MAGI3: variants seen among roughly 807,000 people sequenced by gnomAD.
MAGI3 encodes membrane-associated guanylate kinase, WW and PDZ domain-containing protein 3.
Under a neutral mutation model 121.8 loss-of-function variants are expected in MAGI3, and 43 were observed. The observed-to-expected ratio is 0.35, with a 90% confidence interval of 0.28 to 0.46. MAGI3 has a LOEUF of 0.46. Among genes scored for constraint, MAGI3 ranks in the 20% least tolerant of loss-of-function variants. The probability of loss-of-function intolerance (pLI) is 1.00; values close to 1 mark genes in which losing one functional copy is unlikely to be tolerated. For synonymous variants in MAGI3, 553 were observed against 639.3 expected (o/e 0.86, Z 2.04); for missense variants, 1,547 against 1,797.3 (o/e 0.86, Z 2.52).
rs544026946 is a variant in MAGI3 at position 113,648,504 on chromosome 1, C to T, written c.2156-733C>T. 1.6e-4 allele frequency among the ~76,000 whole-genome samples: 24 copies of T among 151,636 alleles called. 1 individual carries two copies. The South Asian group carries it at 4.8e-3, about 30-fold the overall frequency. ...TCAGTTCACTGCAACCTCTGCCTCC[C>T]AGGTTCAAGCAATCCTCCTGCTTAA... On this transcript the variant is annotated intron_variant, in intron 12 of 20. Transcript: ENST00000307546.
intron 12 of MAGI3, among the ~76,000 whole-genome samples, chr1:113,648,090 G>A (rs564727410): frequency 1.3e-4 from 20 of 152,032 alleles, no homozygotes; most frequent in African/African-American, 4.3e-4. Flanking sequence ...GACTGGCTAA[G>A]TTTTGCATTT....
At chr1:113,526,419 G>T (rs1326868132) in intron 1 of MAGI3, among the ~76,000 whole-genome samples, 3 of 152,186 alleles carry the variant, frequency 2.0e-5, no homozygotes, top group Non-Finnish European at 2.9e-5. Context: ...GGGGTTAGGG[G>T]AAGAGTGTTC....
At chr1:113,613,793 A>G (rs899986345) in intron 6 of MAGI3, among the ~76,000 whole-genome samples, 5 of 152,308 alleles carry the variant, frequency 3.3e-5, no homozygotes, top group Non-Finnish European at 4.4e-5. Flanking sequence ...TACTAATAAG[A>G]TGGTTCTTCA....
At chr1:113,557,949 C>A (rs1296582339) in intron 2 of MAGI3, among the ~76,000 whole-genome samples, 1 of 152,142 alleles carries the variant, frequency 6.6e-6, no homozygotes, top group Non-Finnish European at 1.5e-5. Context: ...AGCAGACCCC[C>A]AGCACGCTCC....
intron 1 of MAGI3, among the ~76,000 whole-genome samples, chr1:113,506,300 A>T (rs1429066709): frequency 6.6e-6 from 1 of 152,206 alleles, no homozygotes; most frequent in Non-Finnish European, 1.5e-5. Context: ...AATTATGCAG[A>T]ACGTTTTAGG....
intron 1 of MAGI3, among the ~76,000 whole-genome samples, chr1:113,433,389 A>C (rs1210948956): frequency 6.6e-6 from 1 of 152,232 alleles, no homozygotes; most frequent in Non-Finnish European, 1.5e-5. Flanking sequence ...GAGTCATTAA[A>C]TAGAACACTA....
chr1:113,547,903 C>G (rs1404473546), intron 1 of MAGI3, among the ~76,000 whole-genome samples: 1 of 152,134 alleles, frequency 6.6e-6, no homozygotes. Context: ...CTCCCCCTTG[C>G]TCAGCATCTA....
intron 2 of MAGI3, among the ~76,000 whole-genome samples, chr1:113,564,944 G>A (rs906715688): frequency 3.3e-5 from 5 of 151,964 alleles, no homozygotes; most frequent in Non-Finnish European, 5.9e-5. Flanking sequence ...CCACCTCCCA[G>A]GTTCAAGTGA....
At chr1:113,547,081 TAAA>T (rs75603474) in intron 1 of MAGI3, among the ~76,000 whole-genome samples, 3 of 120,186 alleles carry the variant, frequency 2.5e-5, no homozygotes, top group Non-Finnish European at 5.2e-5. Flanking sequence ...AGACTCCATC[TAAA>T]AAAAAAAAAA....
At chr1:113,504,898 C>T (rs1337944032) in intron 1 of MAGI3, among the ~76,000 whole-genome samples, 1 of 152,120 alleles carries the variant, frequency 6.6e-6, no homozygotes, top group African/African-American at 2.4e-5. Flanking sequence ...GAGGGACTTT[C>T]TGTGAGGTAC....
At position 113,671,772 on chromosome 1, in the gene MAGI3, C is replaced by T; in HGVS notation, c.2854C>T (p.Gln952Ter). 1 of 1,614,236 alleles carries T rather than the reference C, an allele frequency of 6.2e-7. No homozygotes were observed. Among genetic ancestry groups the T allele is most frequent in the Non-Finnish European group, 8.5e-7 (1 of 1,180,042 alleles). The change falls in exon 17 of 21, where the codon CAA becomes TAA. Residue 952 changes from glutamine (Q) to a stop codon, truncating the protein, a stop_gained. Transcript: ENST00000307546. LOFTEE classifies it high-confidence loss of function. ...ACCATCAGGAACAAACTCAGCCAGGCAAAGCCCAGCCCTGCAGCACAGGCC... is the reference window on the plus strand; with the variant it reads ...ACCATCAGGAACAAACTCAGCCAGGTAAAGCCCAGCCCTGCAGCACAGGCC... ...GPPSGTNSAR[Q>*]SPALQHRPMG...
intron 16 of MAGI3, among the ~76,000 whole-genome samples, chr1:113,669,028 C>T (rs2101015580): frequency 6.6e-6 from 1 of 152,286 alleles, no homozygotes; most frequent in South Asian, 2.1e-4. Flanking sequence ...ACACTCATTA[C>T]AATAGCCAAG....
At position 113,646,545 on chromosome 1, in the gene MAGI3, G is replaced by A. The variant is rs192302027; in HGVS notation, c.2058G>A (p.Gln686=). 11 of 1,613,622 alleles carry A rather than the reference G, an allele frequency of 6.8e-6. No homozygotes were observed. In the Middle Eastern group the frequency reaches 6.6e-4, roughly 97 times the overall value. ...AGGCCATAAATGAGCCTATTCCTCA[G>A]CCTATGCCTTTTCCACCGAGCATTA... The part of the protein sequence containing the change: ...SLEAINEPIP[Q]PMPFPPSIIR... The change falls in exon 12 of 21, where the codon CAG becomes CAA. Residue 686 remains glutamine, a synonymous_variant. Coordinates refer to ENST00000307546, the MANE Select transcript of MAGI3 (RefSeq NM_001142782.2).
intron 11 of MAGI3, 139 bp from the exon 12 acceptor site, chr1:113,646,347 C>A: frequency 1.7e-6 from 1 of 596,314 alleles, no homozygotes; most frequent in Non-Finnish European, 2.8e-6. Context: ...ATTCCTGTAA[C>A]TGTAAATCTG....
chr1:113,401,728 T>G (rs1651418016), intron 1 of MAGI3, among the ~76,000 whole-genome samples: 3 of 152,188 alleles, frequency 2.0e-5, no homozygotes, highest in South Asian at 2.1e-4. Context: ...GGAACGTACT[T>G]TAGAATTAGG....
chr1:113,559,969 A>T (rs2101685832), intron 2 of MAGI3, among the ~76,000 whole-genome samples: 1 of 152,324 alleles, frequency 6.6e-6, no homozygotes, highest in Non-Finnish European at 1.5e-5. Context: ...CAGATCATTG[A>T]GACGGAAAAT....
At chr1:113,488,017 C>A (rs1007941984) in intron 1 of MAGI3, among the ~76,000 whole-genome samples, 10 of 152,098 alleles carry the variant, frequency 6.6e-5, no homozygotes, top group East Asian at 3.9e-4. Context: ...GTTCCAAGAT[C>A]TCTTGGAAGG....
In MAGI3 at chr1:113,609,267, A is replaced by C. The variant is rs1295506493; in HGVS notation, c.1019-5334A>C. Among the ~76,000 whole-genome samples, 3 of 152,212 alleles carry C rather than the reference A, an allele frequency of 2.0e-5. No individual in the cohort carries two copies. In the East Asian group the frequency reaches 5.8e-4, roughly 29 times the overall value. On this transcript the variant is annotated intron_variant, in intron 6 of 20. Transcript: ENST00000307546. ...CAGAGTAGATGCTGAAAAGAGAAGAATAATATTTTAAGTGTAGGTTTTATA... is the reference window on the plus strand; with the variant it reads ...CAGAGTAGATGCTGAAAAGAGAAGACTAATATTTTAAGTGTAGGTTTTATA...
chr1:113,557,621 G>A lies in MAGI3; in HGVS notation c.433+7990G>A, dbSNP rs375782258. ...GGGTGGGCAAGCTGCCACCTTGGCC[G>A]TTTGGGCTCGTCAACGGGTCCAACC... On this transcript the variant is annotated intron_variant, in intron 2 of 20. Transcript: ENST00000307546. 1.1e-4 allele frequency among the ~76,000 whole-genome samples: 16 copies of A among 152,290 alleles called. No homozygotes were observed. In the East Asian group the frequency reaches 1.9e-3, roughly 18 times the overall value.
Sources: allele counts gnomAD v4.1 joint callset (sites outside exome capture counted in the v4.1 genomes callset), GRCh38; gene constraint gnomAD v4.1.1; transcripts MANE v1.5; gene names NCBI Gene and HGNC (gene_info 2026-07-23, HGNC 2026-07-21).